FJX1: variants seen among roughly 807,000 people sequenced by gnomAD.
FJX1 encodes the protein four-jointed box protein 1.
A neutral mutation model predicts 28.7 loss-of-function variants in FJX1; 21 were observed. The observed-to-expected ratio is 0.73, with a 90% CI of 0.52 to 1.05. FJX1 has a LOEUF of 1.05. Among genes scored for constraint, FJX1 ranks in the 50% least tolerant of loss-of-function variants. The probability of loss-of-function intolerance (pLI) is 0.00; values close to 1 mark genes in which losing one functional copy is unlikely to be tolerated. For synonymous variants in FJX1, 363 were observed against 310.0 expected (o/e 1.17, Z -1.80); for missense variants, 683 against 647.2 (o/e 1.06, Z -0.60).
Position 35,619,218 on chromosome 11 carries a change from T to A in FJX1, c.582T>A (p.Ser194=). 1.3e-6 allele frequency: 2 copies of A among 1,588,298 alleles called. No individual in the cohort carries two copies. Among genetic ancestry groups the A allele is most frequent in the Non-Finnish European group, 1.7e-6 (2 of 1,175,612 alleles). The change falls in exon 1 of 1, where the codon TCT becomes TCA. Residue 194 remains serine, a synonymous_variant. Transcript: ENST00000317811. This position sits in a 1 kb window ranked among gnomAD's most constrained non-coding sequence, Gnocchi z 7.6. ...NPEQIQGEAL[S]YYLARLLGLQ... ...AGCAGATTCAGGGCGAGGCCCTGTC[T>A]TACTATCTGGCGCGCCTGCTGGGCC...
At position 35,619,037 on chromosome 11, in the gene FJX1, C is replaced by A. The variant is rs763178114; in HGVS notation, c.401C>A (p.Pro134Gln). ...WSRGLEEQVP[P>Q]GFSEAQAAAW... Reference sequence around the variant, plus strand: ...CGCGGCCTGGAGGAGCAGGTGCCCCCGGGCTTTTCGGAGGCCCAGGCGGCG... The same window carrying A: ...CGCGGCCTGGAGGAGCAGGTGCCCCAGGGCTTTTCGGAGGCCCAGGCGGCG... The change falls in exon 1 of 1, where the codon CCG becomes CAG. Residue 134 changes from proline to glutamine, a missense_variant. By Grantham distance (76) the Pro-to-Gln change is moderately conservative (BLOSUM62 -1). Transcript: ENST00000317811. This position sits in a 1 kb window ranked among gnomAD's most constrained non-coding sequence, Gnocchi z 7.6. 2.2e-5 allele frequency: 32 copies of A among 1,466,556 alleles called. 2 individuals are homozygous for A. In the South Asian group the frequency reaches 4.0e-4, roughly 18 times the overall value. 90.8% of individuals were successfully genotyped at this position (1,466,556 alleles called of 1,614,324 possible).
In FJX1 at chr11:35,619,368, C is replaced by A. The variant is rs377240576; in HGVS notation, c.732C>A (p.Arg244=). ...WTEGSVVSLT[R]WLPNLTDVVV... is the part of the protein sequence containing the mutation. ...AGGGCAGCGTGGTGAGCCTGACACG[C>A]TGGCTGCCCAACCTCACGGACGTGG... is the stretch of plus-strand genomic sequence containing the variant. The change falls in exon 1 of 1, where the codon CGC becomes CGA. Residue 244 remains arginine, a synonymous_variant. Coordinates refer to ENST00000317811, the MANE Select transcript of FJX1 (RefSeq NM_014344.4). The surrounding 1 kb of genome is among the most constrained non-coding windows in gnomAD (Gnocchi z 7.6). 2.1e-3 allele frequency: 3,290 copies of A among 1,589,368 alleles called. 5 individuals are homozygous for A. Among genetic ancestry groups the A allele is most frequent in the Non-Finnish European group, 2.3e-3 (2,728 of 1,175,656 alleles).
Position 35,618,895 on chromosome 11 carries a change from G to A in FJX1, c.259G>A (p.Ala87Thr), listed in dbSNP as rs1358065825. ...LKTFRALLTL[A>T]AGADGPPRQS... ...AACTTTCCGGGCGCTGCTCACCCTG[G>A]CGGCCGGCGCGGACGGCCCGCCCCG... The change falls in exon 1 of 1, where the codon GCG (alanine) becomes ACG (threonine). Residue 87 changes from alanine (A) to threonine (T), a missense_variant. Coordinates refer to ENST00000317811, the MANE Select transcript of FJX1 (RefSeq NM_014344.4). The surrounding 1 kb of genome is among the most constrained non-coding windows in gnomAD (Gnocchi z 4.2). 4 of 1,391,260 alleles carry A rather than the reference G, an allele frequency of 2.9e-6. No individual in the cohort carries two copies. Among genetic ancestry groups the A allele is most frequent in the Admixed American group, 6.3e-5 (2 of 31,758 alleles). 86.2% of individuals were successfully genotyped at this position (1,391,260 alleles called of 1,614,324 possible). A position where few individuals can be genotyped will look rare whatever the true frequency, so the allele number is the denominator to read the frequency against.
In FJX1 at chr11:35,619,811, A is replaced by G; in HGVS notation, c.1175A>G (p.Tyr392Cys). 4 of 1,549,630 alleles carry G rather than the reference A, an allele frequency of 2.6e-6. No individual in the cohort carries two copies. The highest frequency in any genetic ancestry group is 3.5e-6 in the Non-Finnish European group (4 of 1,147,330). ...QDAAARLLRLYRRHEPRFPEL... is the reference protein window; with the variant it reads ...QDAAARLLRLCRRHEPRFPEL... ...GCCGCGGCCCGGCTGCTGCGCCTCTACCGGCGCCACGAGCCTCGCTTCCCC... is the reference window on the plus strand; with the variant it reads ...GCCGCGGCCCGGCTGCTGCGCCTCTGCCGGCGCCACGAGCCTCGCTTCCCC... Residue 392 changes from tyrosine to cysteine, a missense_variant, in exon 1 of 1, where the codon TAC becomes TGC. Physicochemically the swap from Tyr to Cys is radical, Grantham distance 194. Coordinates refer to ENST00000317811, the MANE Select transcript of FJX1 (RefSeq NM_014344.4). The surrounding 1 kb of genome is among the most constrained non-coding windows in gnomAD (Gnocchi z 7.6).
chr11:35,618,689 C>T lies in FJX1; in HGVS notation c.53C>T (p.Ala18Val). ...GCCACCGCGGGGCTCTGGCTGCTGG[C>T]GCTGGGCTCGCTGCTGGCGCTGTGG... ...AAATAGLWLL[A>V]LGSLLALWGG... The change falls in exon 1 of 1, where the codon GCG (alanine) becomes GTG (valine). Residue 18 changes from alanine to valine, a missense_variant. Coordinates refer to ENST00000317811, the MANE Select transcript of FJX1 (RefSeq NM_014344.4). The surrounding 1 kb of genome is among the most constrained non-coding windows in gnomAD (Gnocchi z 4.2). 2 of 1,246,228 alleles carry T rather than the reference C, an allele frequency of 1.6e-6. No individual in the cohort carries two copies. Among genetic ancestry groups the T allele is most frequent in the South Asian group, 2.2e-5 (1 of 45,274 alleles). The allele number at this position is 1,246,228 out of a possible 1,614,324, so 77.2% of individuals were successfully genotyped here.
Position 35,620,531 on chromosome 11 carries a change from G to A in FJX1, c.*581G>A, listed in dbSNP as rs1850888169. ...AGAGAGCAGGACCTCCAGACTCTGGGGAGCCCTGCAGACCTTGACAATTTG... is the reference window on the plus strand; with the variant it reads ...AGAGAGCAGGACCTCCAGACTCTGGAGAGCCCTGCAGACCTTGACAATTTG... On this transcript the variant is annotated 3_prime_UTR_variant, in exon 1 of 1. Transcript: ENST00000317811. The A allele has an allele frequency of 5.6e-6, 1 of 177,992 alleles. No homozygotes were observed. Among genetic ancestry groups the A allele is most frequent in the African/African-American group, 2.4e-5 (1 of 41,438 alleles). The allele number at this position is 177,992 out of a possible 1,614,324, so 11.0% of individuals were successfully genotyped here.
chr11:35,618,726 G>T lies in FJX1; in HGVS notation c.90G>T (p.Leu30=). The T allele has an allele frequency of 8.0e-7, 1 of 1,255,924 alleles. No homozygotes were observed. The highest frequency in any genetic ancestry group is 2.1e-5 in the South Asian group (1 of 47,110). The allele number at this position is 1,255,924 out of a possible 1,614,324, so 77.8% of individuals were successfully genotyped here. The change falls in exon 1 of 1, where the codon CTG becomes CTT. Residue 30 remains leucine (L), a synonymous_variant. Coordinates refer to ENST00000317811, the MANE Select transcript of FJX1 (RefSeq NM_014344.4). This position sits in a 1 kb window ranked among gnomAD's most constrained non-coding sequence, Gnocchi z 4.2. The part of the protein sequence containing the change: ...GSLLALWGGL[L]PPRTELPASR... Reference sequence around the variant, plus strand: ...TGCTGGCGCTGTGGGGAGGGCTCCTGCCGCCGCGGACCGAGCTGCCCGCCT... The same window carrying T: ...TGCTGGCGCTGTGGGGAGGGCTCCTTCCGCCGCGGACCGAGCTGCCCGCCT...
In FJX1 at chr11:35,619,621, G is replaced by C. The variant is rs768496322; in HGVS notation, c.985G>C (p.Gly329Arg). Residue 329 changes from glycine (G) to arginine (R), a missense_variant, in exon 1 of 1, where the codon GGT becomes CGT. Transcript: ENST00000317811. The surrounding 1 kb of genome is among the most constrained non-coding windows in gnomAD (Gnocchi z 7.6). Reference sequence around the variant, plus strand: ...GCGTGCCACCAGCAACCTGCACCGCGGTCCGGGCGGGGCGCTGGTCTTTCT... The same window carrying C: ...GCGTGCCACCAGCAACCTGCACCGCCGTCCGGGCGGGGCGCTGGTCTTTCT... The part of the protein sequence containing the change: ...MQRATSNLHR[G>R]PGGALVFLDN... 1.1e-5 allele frequency: 17 copies of C among 1,609,898 alleles called. No individual in the cohort carries two copies. The highest frequency in any genetic ancestry group is 1.4e-5 in the Non-Finnish European group (16 of 1,179,794).
chr11:35,618,879 G>A lies in FJX1; in HGVS notation c.243G>A (p.Arg81=). ...DARGGSLKTF[R]ALLTLAAGAD... is the part of the protein sequence containing the mutation. ...GCGGCGGCTCCCTGAAAACTTTCCGGGCGCTGCTCACCCTGGCGGCCGGCG... is the reference window on the plus strand; with the variant it reads ...GCGGCGGCTCCCTGAAAACTTTCCGAGCGCTGCTCACCCTGGCGGCCGGCG... The change falls in exon 1 of 1, where the codon CGG becomes CGA. Residue 81 remains arginine, a synonymous_variant. Transcript: ENST00000317811. This position sits in a 1 kb window ranked among gnomAD's most constrained non-coding sequence, Gnocchi z 4.2. 7.3e-7 allele frequency: 1 copy of A among 1,372,596 alleles called. No homozygotes were observed. 85.0% of individuals were successfully genotyped at this position (1,372,596 alleles called of 1,614,324 possible).
At position 35,618,595 on chromosome 11, in the gene FJX1, C is replaced by G. The variant is rs967349636; in HGVS notation, c.-42C>G. 2 of 1,093,454 alleles carry G rather than the reference C, an allele frequency of 1.8e-6. No homozygotes were observed. Among genetic ancestry groups the G allele is most frequent in the African/African-American group, 1.7e-5 (1 of 59,434 alleles). The allele number at this position is 1,093,454 out of a possible 1,614,324, so 67.7% of individuals were successfully genotyped here. A position where few individuals can be genotyped will look rare whatever the true frequency, so the allele number is the denominator to read the frequency against. ...CCGCCGGGACCCGGGTGCCTGGGCTCGGCTTGAAGCGGCGGCGGCGCACCG... is the reference window on the plus strand; with the variant it reads ...CCGCCGGGACCCGGGTGCCTGGGCTGGGCTTGAAGCGGCGGCGGCGCACCG... On this transcript the variant is annotated 5_prime_UTR_variant, in exon 1 of 1. Transcript: ENST00000317811. This position sits in a 1 kb window ranked among gnomAD's most constrained non-coding sequence, Gnocchi z 4.2.
At position 35,619,212 on chromosome 11, in the gene FJX1, CCTGT is replaced by C. The variant is rs748866156; in HGVS notation, c.579_582del (p.Ser194ThrfsTer46). ...ACCCGGAGCAGATTCAGGGCGAGGC[CCTGT>C]CTTACTATCTGGCGCGCCTGCTGGG... is the stretch of plus-strand genomic sequence containing the variant. On this transcript the variant is annotated frameshift_variant, in exon 1 of 1. Coordinates refer to ENST00000317811, the MANE Select transcript of FJX1 (RefSeq NM_014344.4). LOFTEE classifies it high-confidence loss of function. This position sits in a 1 kb window ranked among gnomAD's most constrained non-coding sequence, Gnocchi z 7.6. The C allele has an allele frequency of 6.3e-7, 1 of 1,588,456 alleles. No individual in the cohort carries two copies. The highest frequency in any genetic ancestry group is 8.5e-7 in the Non-Finnish European group (1 of 1,175,806).
Position 35,619,532 on chromosome 11 carries a change from C to G in FJX1, c.896C>G (p.Thr299Arg). The G allele has an allele frequency of 6.2e-7, 1 of 1,600,618 alleles. No homozygotes were observed. Among genetic ancestry groups the G allele is most frequent in the Non-Finnish European group, 8.5e-7 (1 of 1,179,742 alleles). The change falls in exon 1 of 1, where the codon ACG becomes AGG. Residue 299 changes from threonine to arginine, a missense_variant. Physicochemically the swap from Thr to Arg is moderately conservative, Grantham distance 71 (BLOSUM62 -1). Transcript: ENST00000317811. The surrounding 1 kb of genome is among the most constrained non-coding windows in gnomAD (Gnocchi z 7.6). The stretch of plus-strand genomic sequence containing the variant: ...GACTTAATCCTTTTCGACTACCTGA[C>G]GGCCAACTTCGACCGGCTCGTAAGC... ...WTDLILFDYL[T>R]ANFDRLVSNL...
chr11:35,620,048 G>T lies in FJX1; in HGVS notation c.*98G>T. The T allele has an allele frequency of 6.6e-7, 1 of 1,507,464 alleles. No homozygotes were observed. Among genetic ancestry groups the T allele is most frequent in the Non-Finnish European group, 8.9e-7 (1 of 1,125,458 alleles). 93.4% of individuals were successfully genotyped at this position (1,507,464 alleles called of 1,614,324 possible). ...CACTGTCAGGGACCAGCCGGCCAACGCCCACCCGCAAAGGTGTCTAAAAAC... is the reference window on the plus strand; with the variant it reads ...CACTGTCAGGGACCAGCCGGCCAACTCCCACCCGCAAAGGTGTCTAAAAAC... On this transcript the variant is annotated 3_prime_UTR_variant, in exon 1 of 1. Transcript: ENST00000317811.
In FJX1 at chr11:35,618,550, A is replaced by C; in HGVS notation, c.-87A>C. On this transcript the variant is annotated 5_prime_UTR_variant, in exon 1 of 1. Transcript: ENST00000317811. The surrounding 1 kb of genome is among the most constrained non-coding windows in gnomAD (Gnocchi z 4.2). The stretch of plus-strand genomic sequence containing the variant: ...AAGCGCCCGAAGCCCCGGAGCCCAC[A>C]AACTGCCGGGCCCGCCTCGCCGCCG... 1 of 1,069,340 alleles carries C rather than the reference A, an allele frequency of 9.4e-7. No homozygotes were observed. Among genetic ancestry groups the C allele is most frequent in the African/African-American group, 1.7e-5 (1 of 59,054 alleles). 66.2% of individuals were successfully genotyped at this position (1,069,340 alleles called of 1,614,324 possible). A position where few individuals can be genotyped will look rare whatever the true frequency, so the allele number is the denominator to read the frequency against.
chr11:35,619,768 C>G lies in FJX1; in HGVS notation c.1132C>G (p.Leu378Val). Residue 378 changes from leucine to valine, a missense_variant, in exon 1 of 1, where the codon CTG (leucine) becomes GTG (valine). Leu to Val is a conservative substitution (Grantham distance 32). Transcript: ENST00000317811. This position sits in a 1 kb window ranked among gnomAD's most constrained non-coding sequence, Gnocchi z 7.6. Reference sequence around the variant, plus strand: ...GCGGACCGCGCGGCGCGTCCTGGAGCTGCACCGCGGACAGGACGCCGCGGC... The same window carrying G: ...GCGGACCGCGCGGCGCGTCCTGGAGGTGCACCGCGGACAGGACGCCGCGGC... ...RERTARRVLE[L>V]HRGQDAAARL... 6.4e-7 allele frequency: 1 copy of G among 1,553,728 alleles called. No homozygotes were observed. Among genetic ancestry groups the G allele is most frequent in the Non-Finnish European group, 8.7e-7 (1 of 1,149,626 alleles).
Position 35,619,829 on chromosome 11 carries a change from G to A in FJX1, c.1193G>A (p.Arg398His), listed in dbSNP as rs763476015. Residue 398 changes from arginine to histidine, a missense_variant, in exon 1 of 1, where the codon CGC becomes CAC. Arg to His is a conservative substitution (Grantham distance 29). Coordinates refer to ENST00000317811, the MANE Select transcript of FJX1 (RefSeq NM_014344.4). This position sits in a 1 kb window ranked among gnomAD's most constrained non-coding sequence, Gnocchi z 7.6. ...CGCCTCTACCGGCGCCACGAGCCTC[G>A]CTTCCCCGAGCTGGCCGCCCTTGCA... ...LLRLYRRHEPRFPELAALADP... is the reference protein window; with the variant it reads ...LLRLYRRHEPHFPELAALADP... 1.3e-6 allele frequency: 2 copies of A among 1,551,902 alleles called. No individual in the cohort carries two copies. The highest frequency in any genetic ancestry group is 2.0e-5 in the Admixed American group (1 of 51,158).
rs1447089842 is a variant in FJX1 at position 35,619,788 on chromosome 11, C to T, written c.1152C>T (p.Ala384=). The T allele has an allele frequency of 6.5e-6, 10 of 1,549,770 alleles. No homozygotes were observed. The highest frequency in any genetic ancestry group is 8.7e-6 in the Non-Finnish European group (10 of 1,147,352). Residue 384 remains alanine, a synonymous_variant, in exon 1 of 1, where the codon GCC becomes GCT. Coordinates refer to ENST00000317811, the MANE Select transcript of FJX1 (RefSeq NM_014344.4). This position sits in a 1 kb window ranked among gnomAD's most constrained non-coding sequence, Gnocchi z 7.6. The part of the protein sequence containing the change: ...RVLELHRGQD[A]AARLLRLYRR... Reference sequence around the variant, plus strand: ...TGGAGCTGCACCGCGGACAGGACGCCGCGGCCCGGCTGCTGCGCCTCTACC... The same window carrying T: ...TGGAGCTGCACCGCGGACAGGACGCTGCGGCCCGGCTGCTGCGCCTCTACC...
chr11:35,620,372 A>T lies in FJX1; in HGVS notation c.*422A>T. The T allele has an allele frequency of 7.3e-6, 2 of 274,828 alleles. No homozygotes were observed. The highest frequency in any genetic ancestry group is 8.5e-5 in the South Asian group (2 of 23,628). 17.0% of individuals were successfully genotyped at this position (274,828 alleles called of 1,614,324 possible). On this transcript the variant is annotated 3_prime_UTR_variant, in exon 1 of 1. Coordinates refer to ENST00000317811, the MANE Select transcript of FJX1 (RefSeq NM_014344.4). ...AGCTAATTCTGCAATTTTCTACCAA[A>T]CAGAGCGCTGGTGGCCCCGGAGCAG... is the stretch of plus-strand genomic sequence containing the variant.
chr11:35,620,345 T>A lies in FJX1; in HGVS notation c.*395T>A. 3.3e-6 allele frequency: 1 copy of A among 306,852 alleles called. No homozygotes were observed. Among genetic ancestry groups the A allele is most frequent in the South Asian group, 3.6e-5 (1 of 27,544 alleles). The allele number at this position is 306,852 out of a possible 1,614,324, so 19.0% of individuals were successfully genotyped here. A position where few individuals can be genotyped will look rare whatever the true frequency, so the allele number is the denominator to read the frequency against. On this transcript the variant is annotated 3_prime_UTR_variant, in exon 1 of 1. Coordinates refer to ENST00000317811, the MANE Select transcript of FJX1 (RefSeq NM_014344.4). ...AAAGGAAAACTTGCGTTTGAGCCGT[T>A]GAGCTAATTCTGCAATTTTCTACCA...
Sources: gnomAD v4.1 joint callset for allele counts on GRCh38, gnomAD v4.1.1 for gene constraint, Gnocchi (gnomAD v3.1) non-coding constraint, MANE v1.5 for transcripts, NCBI Gene and HGNC (gene_info 2026-07-23, HGNC 2026-07-21) for gene names.